GNB1: variants seen among roughly 807,000 people sequenced by gnomAD.
The protein encoded by GNB1 is guanine nucleotide-binding protein G(I)/G(S)/G(T) subunit beta-1.
GNB1 carries 2 observed loss-of-function variants against 42.9 expected under a neutral mutation model. The observed-to-expected ratio is 0.05, with a 90% CI of 0.02 to 0.15. GNB1 has a LOEUF of 0.15. Among genes scored for constraint, GNB1 ranks in the 10% least tolerant of loss-of-function variants. The pLI is 1.00. For missense variants in GNB1, 193 were observed against 462.2 expected, an observed-to-expected ratio of 0.42 and a Z score of 5.34; for synonymous variants, 183 against 174.7, an observed-to-expected ratio of 1.05 and a Z score of -0.38.
chr1:1,861,356 G>C (rs976154219), intron 1 of GNB1, among the ~76,000 whole-genome samples: 3 of 151,940 alleles, frequency 2.0e-5, no homozygotes, highest in Middle Eastern at 3.4e-3. Flanking sequence ...AGCTGAGGCA[G>C]GAGGATCACT....
intron 1 of GNB1, among the ~76,000 whole-genome samples, chr1:1,879,787 C>T (rs546497846): frequency 1.3e-5 from 2 of 151,934 alleles, no homozygotes; most frequent in Non-Finnish European, 2.9e-5. Context: ...TTACATTTAC[C>T]TTGTCTGCCT....
chr1:1,790,614 G>A lies in GNB1; in HGVS notation c.498-18C>T. The stretch of plus-strand genomic sequence containing the variant: ...ACAGGGCACTGGAGCAGGAGCGAAT[G>A]ACAAGGGGACATCAGCCTTAACTTC... On this transcript the variant is annotated intron_variant, in intron 8 of 11. Coordinates refer to ENST00000378609, the MANE Select transcript of GNB1 (RefSeq NM_002074.5). This position sits in a 1 kb window ranked among gnomAD's most constrained non-coding sequence, Gnocchi z 5.4. 6.3e-7 allele frequency: 1 copy of A among 1,578,978 alleles called. No individual in the cohort carries two copies. The highest frequency in any genetic ancestry group is 2.2e-5 in the East Asian group (1 of 44,646).
chr1:1,842,904 G>A (rs1443019130), intron 1 of GNB1, among the ~76,000 whole-genome samples: 3 of 152,204 alleles, frequency 2.0e-5, no homozygotes, highest in Non-Finnish European at 4.4e-5. Flanking sequence ...AGGGTCCTAT[G>A]AGCATACCCG....
At chr1:1,807,575 G>C (rs1252518481) in intron 5 of GNB1, among the ~76,000 whole-genome samples, 1 of 148,040 alleles carries the variant, frequency 6.8e-6, no homozygotes. Flanking sequence ...AAATTTCCCA[G>C]ACTGAGCTAA....
At chr1:1,873,880 T>G (rs1649382362) in intron 1 of GNB1, among the ~76,000 whole-genome samples, 1 of 152,114 alleles carries the variant, frequency 6.6e-6, no homozygotes, top group Middle Eastern at 3.4e-3. Flanking sequence ...AGGATCCCTG[T>G]GGCACACCCC....
At chr1:1,819,388 A>G (rs1646900458) in intron 3 of GNB1, among the ~76,000 whole-genome samples, 1 of 151,882 alleles carries the variant, frequency 6.6e-6, no homozygotes, top group Non-Finnish European at 1.5e-5. Context: ...ACACCGGCTA[A>G]TTTAGTATTT....
At chr1:1,858,679 C>T (rs1648436663) in intron 1 of GNB1, among the ~76,000 whole-genome samples, 1 of 152,170 alleles carries the variant, frequency 6.6e-6, no homozygotes, top group Non-Finnish European at 1.5e-5. Context: ...AGGGACACTG[C>T]AGCCATCTCA....
intron 7 of GNB1, among the ~76,000 whole-genome samples, chr1:1,797,256 G>C (rs1470508089): frequency 6.6e-6 from 1 of 152,052 alleles, no homozygotes; most frequent in Non-Finnish European, 1.5e-5. Flanking sequence ...CTCACAATAG[G>C]AACAAATTAG....
At chr1:1,867,098 C>T (rs1006463667) in intron 1 of GNB1, among the ~76,000 whole-genome samples, 8 of 152,030 alleles carry the variant, frequency 5.3e-5, no homozygotes, top group African/African-American at 1.9e-4. Context: ...GAAACCCCAT[C>T]TCTATTAAAA....
intron 2 of GNB1, among the ~76,000 whole-genome samples, chr1:1,830,811 C>T (rs756996813): frequency 6.6e-6 from 1 of 151,956 alleles, no homozygotes; most frequent in Non-Finnish European, 1.5e-5. Flanking sequence ...CCTCCCAAAG[C>T]GCTAGACTCT....
intron 3 of GNB1, among the ~76,000 whole-genome samples, chr1:1,821,317 T>C (rs1646927764): frequency 6.6e-6 from 1 of 152,202 alleles, no homozygotes; most frequent in African/African-American, 2.4e-5. Flanking sequence ...TCAGCTACTC[T>C]GTGTATTTTA....
intron 7 of GNB1, among the ~76,000 whole-genome samples, chr1:1,804,070 G>T (rs1168369669): frequency 5.4e-5 from 8 of 148,938 alleles, no homozygotes; most frequent in Non-Finnish European, 1.2e-4. Flanking sequence ...GAGGTGGGTG[G>T]ATCACGAGGT....
At chr1:1,817,405 G>A (rs993603257) in intron 4 of GNB1, among the ~76,000 whole-genome samples, 22 of 152,106 alleles carry the variant, frequency 1.4e-4, no homozygotes, top group Non-Finnish European at 1.3e-4. Flanking sequence ...CTATGTACAT[G>A]TGTGTGTTTG....
intron 2 of GNB1, among the ~76,000 whole-genome samples, chr1:1,826,084 T>TA (rs1009914489): frequency 2.0e-5 from 3 of 152,116 alleles, no homozygotes; most frequent in Non-Finnish European, 2.9e-5. Flanking sequence ...GCATTTTTCA[T>TA]AAAAAAATCT....
intron 1 of GNB1, among the ~76,000 whole-genome samples, chr1:1,845,872 C>T (rs562421079): frequency 2.2e-5 from 3 of 138,262 alleles, no homozygotes; most frequent in East Asian, 4.3e-4. Context: ...CACACACACA[C>T]GTATATCTCC....
intron 9 of GNB1, among the ~76,000 whole-genome samples, chr1:1,789,724 G>A (rs556716935): frequency 1.4e-5 from 2 of 143,694 alleles, no homozygotes; most frequent in Non-Finnish European, 3.1e-5. Flanking sequence ...GTGGGGGGAT[G>A]GGGGAGGAAC....
intron 7 of GNB1, among the ~76,000 whole-genome samples, chr1:1,794,980 G>T (rs1256229333): frequency 6.6e-6 from 1 of 152,192 alleles, no homozygotes; most frequent in Non-Finnish European, 1.5e-5. Context: ...GAGCCACCAT[G>T]CCTGGCCAAC....
chr1:1,888,764 G>A (rs538143170), intron 1 of GNB1, among the ~76,000 whole-genome samples: 16 of 152,106 alleles, frequency 1.1e-4, no homozygotes, highest in Non-Finnish European at 1.3e-4. Context: ...CTTGAACCCG[G>A]GGGCGCGGAG....
intron 3 of GNB1, among the ~76,000 whole-genome samples, chr1:1,818,858 A>G (rs1053369869): frequency 1.3e-5 from 2 of 152,062 alleles, no homozygotes; most frequent in Non-Finnish European, 2.9e-5. Context: ...GCAAGACTCC[A>G]TCTCAAAAAA....
Sources: allele counts gnomAD v4.1 joint callset (sites outside exome capture counted in the v4.1 genomes callset), GRCh38; gene constraint gnomAD v4.1.1; non-coding constraint Gnocchi (gnomAD v3.1); transcripts MANE v1.5; gene names NCBI Gene and HGNC (gene_info 2026-07-23, HGNC 2026-07-21).